Variants in SH2B3 observed in about 807,000 individuals in gnomAD.
The protein encoded by SH2B3 is SH2B adaptor protein 3.
Under a neutral mutation model 51.9 loss-of-function variants are expected in SH2B3, and 43 were observed. The observed-to-expected ratio is 0.83, with a 90% CI of 0.65 to 1.07. The LOEUF is 1.07. Among genes scored for constraint, SH2B3 ranks in the 50% least tolerant of loss-of-function variants. SH2B3 has a pLI of 0.00. For synonymous variants in SH2B3, 396 were observed against 376.0 expected, an observed-to-expected ratio of 1.05 and a Z score of -0.62; for missense variants, 952 against 834.3, an observed-to-expected ratio of 1.14 and a Z score of -1.74.
rs1163558801 is a variant in SH2B3 at position 111,447,377 on chromosome 12, C to T, written c.1069C>T (p.His357Tyr). 1 of 1,614,104 alleles carries T rather than the reference C, an allele frequency of 6.2e-7. No individual in the cohort carries two copies. The highest frequency in any genetic ancestry group is 1.3e-5 in the African/African-American group (1 of 75,040). The part of the protein sequence containing the change: ...LLDPACQKTD[H>Y]FLSCYPWFHG... ...GGACCCGGCCTGCCAGAAGACGGAC[C>T]ATTTCCTGTCCTGCTACCCCTGGTT... The change falls in exon 6 of 8, where the codon CAT becomes TAT. Residue 357 changes from histidine (H) to tyrosine (Y), a missense_variant. By Grantham distance (83) the His-to-Tyr change is moderately conservative. Transcript: ENST00000341259.
At position 111,449,348 on chromosome 12, in the gene SH2B3, A is replaced by C. The variant is rs981173907; in HGVS notation, c.*1046A>C. 1.3e-5 allele frequency: 2 copies of C among 152,192 alleles called. No individual in the cohort carries two copies. The highest frequency in any genetic ancestry group is 2.9e-5 in the Non-Finnish European group (2 of 68,042). The allele number at this position is 152,192 out of a possible 1,614,324, so 9.4% of individuals were successfully genotyped here. Reference sequence around the variant, plus strand: ...CTCCAAGCATCTAATGGCTTATTAAATTATCCCACAAGTGGGTTTTAGGCT... The same window carrying C: ...CTCCAAGCATCTAATGGCTTATTAACTTATCCCACAAGTGGGTTTTAGGCT... On this transcript the variant is annotated 3_prime_UTR_variant, in exon 8 of 8. Coordinates refer to ENST00000341259, the MANE Select transcript of SH2B3 (RefSeq NM_005475.3).
chr12:111,405,617 C>G (rs1180043323), upstream of SH2B3, among the ~76,000 whole-genome samples: 1 of 152,164 alleles, frequency 6.6e-6, no homozygotes, highest in South Asian at 2.1e-4. This position sits in a 1 kb window ranked among gnomAD's most constrained non-coding sequence, Gnocchi z 5.4. Context: ...CCCGCCCCTC[C>G]GATCCTCACT....
chr12:111,439,635 G>A (rs1873222479), intron 2 of SH2B3, among the ~76,000 whole-genome samples: 1 of 152,224 alleles, frequency 6.6e-6, no homozygotes, highest in Non-Finnish European at 1.5e-5. Flanking sequence ...CTGGAGTGCA[G>A]TGGCACCATC....
chr12:111,418,869 C>A lies in SH2B3; in HGVS notation c.724C>A (p.Pro242Thr). The A allele has an allele frequency of 7.1e-7, 1 of 1,410,324 alleles. No homozygotes were observed. The highest frequency in any genetic ancestry group is 9.1e-7 in the Non-Finnish European group (1 of 1,095,958). 87.4% of individuals were successfully genotyped at this position (1,410,324 alleles called of 1,614,324 possible). A position where few individuals can be genotyped will look rare whatever the true frequency, so the allele number is the denominator to read the frequency against. The change falls in exon 2 of 8, where the codon CCA becomes ACA. Residue 242 changes from proline to threonine, a missense_variant. Pro to Thr is a conservative substitution (Grantham distance 38). Coordinates refer to ENST00000341259, the MANE Select transcript of SH2B3 (RefSeq NM_005475.3). The surrounding 1 kb of genome is among the most constrained non-coding windows in gnomAD (Gnocchi z 6.7). Reference sequence around the variant, plus strand: ...CGACCGCGTGCTGGAGCTCTTCGACCCACCCAAGGTAAGTAAGCCCTGCCC... The same window carrying A: ...CGACCGCGTGCTGGAGCTCTTCGACACACCCAAGGTAAGTAAGCCCTGCCC... The part of the protein sequence containing the change: ...GPDRVLELFD[P>T]PKSSRPKLQA...
intron 2 of SH2B3, among the ~76,000 whole-genome samples, chr12:111,433,553 GTTTT>G (rs962450523): frequency 1.3e-5 from 2 of 151,744 alleles, no homozygotes; most frequent in African/African-American, 2.4e-5. Flanking sequence ...TCAGTGTGGT[GTTTT>G]TTTTGTTTGT....
intron 2 of SH2B3, among the ~76,000 whole-genome samples, chr12:111,420,367 CAAA>C (rs59301682): frequency 1.2e-4 from 8 of 64,454 alleles, no homozygotes; most frequent in Middle Eastern, 8.8e-3. Context: ...GACCCTGTCT[CAAA>C]AAAAAAAAAA....
Position 111,448,364 on chromosome 12 carries a change from T to C in SH2B3, c.*62T>C. On this transcript the variant is annotated 3_prime_UTR_variant, in exon 8 of 8. Coordinates refer to ENST00000341259, the MANE Select transcript of SH2B3 (RefSeq NM_005475.3). The stretch of plus-strand genomic sequence containing the variant: ...AGGAGCACAGGCAGAAGTGTGAACT[T>C]GTGAATGTAATTGATCTTTCCTTCC... 1.7e-6 allele frequency: 2 copies of C among 1,181,662 alleles called. No individual in the cohort carries two copies. Among genetic ancestry groups the C allele is most frequent in the Non-Finnish European group, 2.4e-6 (2 of 828,568 alleles). 73.2% of individuals were successfully genotyped at this position (1,181,662 alleles called of 1,614,324 possible). A position where few individuals can be genotyped will look rare whatever the true frequency, so the allele number is the denominator to read the frequency against.
intron 2 of SH2B3, among the ~76,000 whole-genome samples, chr12:111,422,707 CATG>C (rs1871655210): frequency 4.6e-5 from 7 of 152,024 alleles, no homozygotes; most frequent in Admixed American, 4.6e-4. Flanking sequence ...ATTACAGGCG[CATG>C]CTACCACGCC....
intron 2 of SH2B3, among the ~76,000 whole-genome samples, chr12:111,442,564 C>T (rs1873527484): frequency 1.3e-5 from 2 of 152,172 alleles, no homozygotes; most frequent in Non-Finnish European, 2.9e-5. Context: ...GCGGTCTCTC[C>T]CCAAGGCTGG....
At chr12:111,419,351 T>C (rs1377045159) in intron 2 of SH2B3, among the ~76,000 whole-genome samples, 6 of 151,874 alleles carry the variant, frequency 4.0e-5, no homozygotes, top group African/African-American at 1.5e-4. Context: ...ATTTTAGATT[T>C]ACAGGCCAGG....
chr12:111,428,785 G>A (rs1163657502), intron 2 of SH2B3, among the ~76,000 whole-genome samples: 2 of 152,122 alleles, frequency 1.3e-5, no homozygotes, highest in Non-Finnish European at 2.9e-5. Flanking sequence ...GGGCACAGGA[G>A]GGCCGTGCCC....
At chr12:111,426,217 C>T (rs539360001) in intron 2 of SH2B3, among the ~76,000 whole-genome samples, 2 of 152,116 alleles carry the variant, frequency 1.3e-5, no homozygotes, top group East Asian at 3.9e-4. Context: ...CAACCTGCCT[C>T]CCTCAGACAA....
chr12:111,418,920 C>T lies in SH2B3; in HGVS notation c.732+43C>T, dbSNP rs1469474085. 1 of 1,363,094 alleles carries T rather than the reference C, an allele frequency of 7.3e-7. No individual in the cohort carries two copies. The highest frequency in any genetic ancestry group is 9.4e-7 in the Non-Finnish European group (1 of 1,065,644). The allele number at this position is 1,363,094 out of a possible 1,614,324, so 84.4% of individuals were successfully genotyped here. ...GCGGGGTTGCGCACTGCACTGCGCCCTTCGCCTTCACCCTGGGGAGAGCGC... is the reference window on the plus strand; with the variant it reads ...GCGGGGTTGCGCACTGCACTGCGCCTTTCGCCTTCACCCTGGGGAGAGCGC... On this transcript the variant is annotated intron_variant, in intron 2 of 7. Transcript: ENST00000341259. The surrounding 1 kb of genome is among the most constrained non-coding windows in gnomAD (Gnocchi z 6.7).
intron 2 of SH2B3, among the ~76,000 whole-genome samples, chr12:111,440,300 C>G (rs981339425): frequency 1.3e-5 from 2 of 152,228 alleles, no homozygotes; most frequent in Non-Finnish European, 2.9e-5. Context: ...CGGAGCTGGC[C>G]CGGGGCAGGG....
rs1874182910 is a variant in SH2B3, at chr12:111,447,821, C to T, written c.1402C>T (p.Pro468Ser). Residue 468 changes from proline to serine, a missense_variant, in exon 7 of 8, where the codon CCA (proline) becomes TCA (serine). Physicochemically the swap from Pro to Ser is moderately conservative, Grantham distance 74. Coordinates refer to ENST00000341259, the MANE Select transcript of SH2B3 (RefSeq NM_005475.3). ...LSSYVVVVSQ[P>S]PGSCNTVLFP... is the part of the protein sequence containing the mutation. ...CAGCTACGTGGTAGTCGTCTCCCAA[C>T]CACCAGGTCTGACCCTACTGCCCTT... 2 of 1,613,624 alleles carry T rather than the reference C, an allele frequency of 1.2e-6. No homozygotes were observed. Among genetic ancestry groups the T allele is most frequent in the Admixed American group, 1.7e-5 (1 of 59,980 alleles).
At chr12:111,419,252 G>A (rs1041393396) in intron 2 of SH2B3, among the ~76,000 whole-genome samples, 1 of 152,122 alleles carries the variant, frequency 6.6e-6, no homozygotes, top group East Asian at 1.9e-4. Flanking sequence ...ACAGTGAGCC[G>A]TGATCATGCC....
chr12:111,425,430 G>A (rs774136654), intron 2 of SH2B3, among the ~76,000 whole-genome samples: 2 of 152,116 alleles, frequency 1.3e-5, no homozygotes, highest in Non-Finnish European at 2.9e-5. Context: ...AGGAGGTGCC[G>A]GTCCTGATAG....
intron 2 of SH2B3, among the ~76,000 whole-genome samples, chr12:111,421,646 G>C (rs1565972967): frequency 1.3e-5 from 2 of 151,820 alleles, no homozygotes; most frequent in Admixed American, 6.6e-5. Context: ...CGAACTCCTG[G>C]GCTCAAATGG....
chr12:111,436,221 T>G (rs1593062343), intron 2 of SH2B3, among the ~76,000 whole-genome samples: 1 of 152,062 alleles, frequency 6.6e-6, no homozygotes, highest in South Asian at 2.1e-4. Flanking sequence ...TGAGTGAAGG[T>G]GTGGAGGGAA....
Sources: allele counts gnomAD v4.1 joint callset (sites outside exome capture counted in the v4.1 genomes callset), GRCh38; gene constraint gnomAD v4.1.1; non-coding constraint Gnocchi (gnomAD v3.1); transcripts MANE v1.5; gene names NCBI Gene and HGNC (gene_info 2026-07-23, HGNC 2026-07-21).